ISY1: variants seen among roughly 807,000 people sequenced by gnomAD.
The protein encoded by ISY1 is pre-mRNA-splicing factor ISY1 homolog.
ISY1 carries 12 observed loss-of-function variants against 54.4 expected under a neutral mutation model. That is an observed-to-expected ratio of 0.22 (90% CI 0.14 to 0.36). ISY1 has a LOEUF of 0.36. ISY1 is among the 10% of genes least tolerant of loss of function. The pLI, the probability that ISY1 is intolerant of heterozygous loss-of-function variation, is 1.00. For missense variants in ISY1, 282 were observed against 342.2 expected, an observed-to-expected ratio of 0.82 and a Z score of 1.39; for synonymous variants, 96 against 117.9, an observed-to-expected ratio of 0.81 and a Z score of 1.20.
At position 129,160,960 on chromosome 3, in the gene ISY1, C is replaced by A; in HGVS notation, c.3+13G>T. On this transcript the variant is annotated intron_variant, in intron 1 of 10. Coordinates refer to ENST00000393295, the MANE Select transcript of ISY1 (RefSeq NM_020701.4). ...CCCATCCACTCGCTCCCTCACCCGC[C>A]CACCCTACTCACCATGGTGTCGCTA... 6.5e-7 allele frequency: 1 copy of A among 1,540,174 alleles called. No individual in the cohort carries two copies. Among genetic ancestry groups the A allele is most frequent in the Non-Finnish European group, 8.8e-7 (1 of 1,141,912 alleles).
At chr3:129,135,208 G>A (rs1402312994) in intron 7 of ISY1, among the ~76,000 whole-genome samples, 4 of 151,994 alleles carry the variant, frequency 2.6e-5, no homozygotes, top group East Asian at 1.9e-4. Flanking sequence ...TTAGCCGGGC[G>A]TGGTGGTGCG....
At chr3:129,153,366 G>C (rs1441411503) in intron 5 of ISY1, among the ~76,000 whole-genome samples, 1 of 152,114 alleles carries the variant, frequency 6.6e-6, no homozygotes, top group African/African-American at 2.4e-5. Context: ...TTTGAACTGT[G>C]TCTCTAAACA....
chr3:129,156,881 G>A lies in ISY1; in HGVS notation c.118C>T (p.Pro40Ser). 6.2e-7 allele frequency: 1 copy of A among 1,613,904 alleles called. No homozygotes were observed. The highest frequency in any genetic ancestry group is 2.2e-5 in the East Asian group (1 of 44,840). Residue 40 changes from proline (P) to serine (S), a missense_variant, in exon 4 of 11, where the codon CCT becomes TCT. By Grantham distance (74) the Pro-to-Ser change is moderately conservative. Transcript: ENST00000393295. Reference protein sequence around the residue: ...PFLASECTELPKAEKWRRQII... With the variant: ...PFLASECTELSKAEKWRRQII... ...TGTCGTCTCCACTTCTCAGCTTTAG[G>A]CAGTTCAGTACATTCTGAGGCCAGA...
intron 1 of ISY1, 52 bp downstream of exon 1, chr3:129,160,921 C>CCGGGGGGGGGG: frequency 1.5e-6 from 1 of 647,260 alleles, no homozygotes; most frequent in Non-Finnish European, 2.8e-6. Flanking sequence ...ACTGGGCGCC[C>CCGGGGGGGGGG]CCCCGCCCGC....
chr3:129,154,709 G>A (rs1204012126), intron 5 of ISY1, among the ~76,000 whole-genome samples: 2 of 116,922 alleles, frequency 1.7e-5, no homozygotes, highest in African/African-American at 5.9e-5. Flanking sequence ...TTTTTTTTGA[G>A]ACAGAGTCTC....
At chr3:129,143,879 AT>A (rs1354434623) in intron 6 of ISY1, among the ~76,000 whole-genome samples, 1 of 152,098 alleles carries the variant, frequency 6.6e-6, no homozygotes, top group African/African-American at 2.4e-5. Context: ...ATGTAATGGG[AT>A]TGTGACTGAG....
chr3:129,154,992 T>C (rs1321315627), intron 5 of ISY1, among the ~76,000 whole-genome samples: 1 of 151,690 alleles, frequency 6.6e-6, no homozygotes, highest in Non-Finnish European at 1.5e-5. Flanking sequence ...CCAGCAATTT[T>C]ATTGATCTTT....
chr3:129,142,560 T>C (rs994725478), intron 6 of ISY1, among the ~76,000 whole-genome samples: 1 of 152,200 alleles, frequency 6.6e-6, no homozygotes, highest in Non-Finnish European at 1.5e-5. Flanking sequence ...AAAGGGTATA[T>C]AAAAGTTCTC....
chr3:129,135,088 C>T (rs1033353693), intron 7 of ISY1, 134 bp from the exon 8 acceptor site: 1 of 1,244,200 alleles, frequency 8.0e-7, no homozygotes, highest in African/African-American at 1.5e-5. Context: ...GTGGCTCATG[C>T]TTGTAATCCT....
chr3:129,144,677 ATTG>A (rs1487183671), intron 6 of ISY1, among the ~76,000 whole-genome samples: 2 of 151,962 alleles, frequency 1.3e-5, no homozygotes, highest in Admixed American at 1.3e-4. Flanking sequence ...TACCATACTT[ATTG>A]TTTTTTTCAG....
chr3:129,142,200 C>G (rs922600932), intron 6 of ISY1, among the ~76,000 whole-genome samples: 1 of 92,664 alleles, frequency 1.1e-5, no homozygotes, highest in South Asian at 4.6e-4. Flanking sequence ...GAGCGAGACT[C>G]TGTCTCGAAA....
intron 5 of ISY1, among the ~76,000 whole-genome samples, chr3:129,149,197 C>G (rs544337342): frequency 6.6e-6 from 1 of 151,136 alleles, no homozygotes; most frequent in Admixed American, 6.6e-5. Context: ...TTTGGGAGGC[C>G]GAGGCAGGCA....
chr3:129,157,016 G>A (rs1937162491), intron 3 of ISY1, 96 bp from the exon 4 acceptor site: 1 of 1,365,026 alleles, frequency 7.3e-7, no homozygotes, highest in African/African-American at 1.5e-5. Context: ...ATCATCTAAT[G>A]GCCTAAAAAC....
intron 1 of ISY1, 30 bp downstream of exon 1, chr3:129,160,943 C>T (rs1415087283): frequency 2.6e-6 from 3 of 1,144,306 alleles, no homozygotes; most frequent in Non-Finnish European, 3.7e-6. Context: ...CGCCCATCCA[C>T]TCGCTCCCTC....
chr3:129,147,834 A>G (rs1424077364), intron 5 of ISY1, among the ~76,000 whole-genome samples: 1 of 152,162 alleles, frequency 6.6e-6, no homozygotes, highest in African/African-American at 2.4e-5. Flanking sequence ...TTCTGTTCCT[A>G]TAATTTTGCT....
intron 9 of ISY1, among the ~76,000 whole-genome samples, chr3:129,132,433 T>A (rs895460972): frequency 6.6e-6 from 1 of 152,144 alleles, no homozygotes; most frequent in South Asian, 2.1e-4. Flanking sequence ...CAGCACCCAC[T>A]CTCTGCACTC....
chr3:129,149,145 G>C (rs747688218), intron 5 of ISY1, among the ~76,000 whole-genome samples: 2 of 151,868 alleles, frequency 1.3e-5, no homozygotes, highest in African/African-American at 2.4e-5. Flanking sequence ...AAATTAGCCA[G>C]GCAGGGCTGG....
chr3:129,157,279 A>G (rs1009348196), intron 3 of ISY1, among the ~76,000 whole-genome samples: 1 of 152,150 alleles, frequency 6.6e-6, no homozygotes, highest in Non-Finnish European at 1.5e-5. Context: ...CGTATATAAA[A>G]TTAAAAAAAA....
intron 5 of ISY1, among the ~76,000 whole-genome samples, chr3:129,150,828 A>C (rs1936945021): frequency 1.3e-5 from 2 of 152,060 alleles, no homozygotes; most frequent in African/African-American, 4.8e-5. Flanking sequence ...AGTATATAAA[A>C]ATATAATTTT....
Sources: allele counts gnomAD v4.1 joint callset (sites outside exome capture counted in the v4.1 genomes callset), GRCh38; gene constraint gnomAD v4.1.1; transcripts MANE v1.5; gene names NCBI Gene and HGNC (gene_info 2026-07-23, HGNC 2026-07-21).